Variants in COL4A3 observed in about 807,000 individuals in gnomAD.
COL4A3 encodes the protein collagen alpha-3(IV) chain.
Under a neutral mutation model 217.4 loss-of-function variants are expected in COL4A3, and 135 were observed. The observed-to-expected ratio is 0.62, with a 90% CI of 0.54 to 0.72. COL4A3 has a LOEUF of 0.72. Ranked by LOEUF, COL4A3 falls within the 30% of genes least tolerant of loss-of-function variation. COL4A3 has a pLI of 0.00. For missense variants in COL4A3, 1,868 were observed against 2,119.9 expected (o/e 0.88, Z 2.33); for synonymous variants, 690 against 736.3 (o/e 0.94, Z 1.02).
At chr2:227,269,852 C>A in intron 23 of COL4A3, 58 bp from the exon 24 acceptor site, 1 of 1,385,092 alleles carries the variant, frequency 7.2e-7, no homozygotes. Context: ...TTGTATTACC[C>A]TGTCTACTTA....
intron 8 of COL4A3, 149 bp from the exon 9 acceptor site, chr2:227,248,294 G>T: frequency 1.4e-6 from 1 of 706,478 alleles, no homozygotes; most frequent in East Asian, 2.7e-5. Context: ...TCTTCATAAT[G>T]GAATAATTAC....
At chr2:227,291,241 T>G (rs4673188) in intron 37 of COL4A3, among the ~76,000 whole-genome samples, 122,887 of 152,082 alleles carry the variant, frequency 0.81, 50,841 homozygotes, top group Non-Finnish European at 0.91. Context: ...CTCAGACTTA[T>G]AAAAATAAAT....
intron 19 of COL4A3, 33 bp from the exon 20 acceptor site, chr2:227,261,049 T>G: frequency 6.3e-7 from 1 of 1,585,078 alleles, no homozygotes; most frequent in Non-Finnish European, 8.7e-7. Flanking sequence ...TTTATATCTT[T>G]CTAAGCAATT....
Position 227,191,331 on chromosome 2 carries a change from C to T in COL4A3, c.87+26518C>T, listed in dbSNP as rs1311952012. 6.6e-6 allele frequency among the ~76,000 whole-genome samples: 1 copy of T among 151,768 alleles called. No individual in the cohort carries two copies. The highest frequency in any genetic ancestry group is 1.5e-5 in the Non-Finnish European group (1 of 67,954). ...AAAAGTTTAAGACTGTTGGCATATA[C>T]AAAAGACCTATTTTCTGAATTCAGA... On this transcript the variant is annotated intron_variant, in intron 1 of 51. Coordinates refer to ENST00000396578, the MANE Select transcript of COL4A3 (RefSeq NM_000091.5). The surrounding 1 kb of genome is among the most constrained non-coding windows in gnomAD (Gnocchi z 6.8).
rs567541147 is a variant in COL4A3 at position 227,302,926 on chromosome 2, C to T, written c.3883-112C>T. Reference sequence around the variant, plus strand: ...TAAAAATGATGTCTGCTAACTTCAGCTTATTCTCACCCAACATAATATTAT... The same window carrying T: ...TAAAAATGATGTCTGCTAACTTCAGTTTATTCTCACCCAACATAATATTAT... On this transcript the variant is annotated intron_variant, in intron 43 of 51. Coordinates refer to ENST00000396578, the MANE Select transcript of COL4A3 (RefSeq NM_000091.5). 4 of 723,752 alleles carry T rather than the reference C, an allele frequency of 5.5e-6. No individual in the cohort carries two copies. In the African/African-American group the frequency reaches 7.0e-5, roughly 13 times the overall value. 44.8% of individuals were successfully genotyped at this position (723,752 alleles called of 1,614,324 possible). A position where few individuals can be genotyped will look rare whatever the true frequency, so the allele number is the denominator to read the frequency against.
intron 34 of COL4A3, among the ~76,000 whole-genome samples, chr2:227,286,034 C>A (rs1295505697): frequency 1.3e-5 from 2 of 152,206 alleles, no homozygotes; most frequent in African/African-American, 2.4e-5. Context: ...ATCCTCTCCA[C>A]AAGGAGGCTG....
At chr2:227,214,078 A>T (rs1415741427) in intron 1 of COL4A3, among the ~76,000 whole-genome samples, 1 of 152,132 alleles carries the variant, frequency 6.6e-6, no homozygotes, top group African/African-American at 2.4e-5. Flanking sequence ...AGCTGAAGTA[A>T]ATTGGAGTCC....
chr2:227,309,154 G>C, intron 49 of COL4A3, 50 bp from the exon 50 acceptor site: 1 of 1,606,080 alleles, frequency 6.2e-7, no homozygotes, highest in Non-Finnish European at 8.5e-7. Context: ...GGCAGCACAT[G>C]ACAGTGCAGA....
Position 227,280,484 on chromosome 2 carries a change from T to G in COL4A3, c.2268T>G (p.Gly756=). 6.2e-7 allele frequency: 1 copy of G among 1,613,780 alleles called. No homozygotes were observed. The highest frequency in any genetic ancestry group is 8.5e-7 in the Non-Finnish European group (1 of 1,179,930). The change falls in exon 30 of 52, where the codon GGT becomes GGG. Residue 756 remains glycine, a synonymous_variant. Transcript: ENST00000396578. ...TGCCTGGAGGACCAGGAACACCAGG[T>G]TTTCCAGGAGAAAGAGGCAATTCTG... ...VAMPGGPGTP[G]FPGERGNSGE...
chr2:227,220,034 AT>A (rs1176560942), intron 1 of COL4A3, among the ~76,000 whole-genome samples: 2 of 150,784 alleles, frequency 1.3e-5, no homozygotes, highest in Non-Finnish European at 2.9e-5. Flanking sequence ...TTTCCTTCTG[AT>A]TTTCTGTACT....
chr2:227,234,346 G>A (rs2068573984), intron 1 of COL4A3, among the ~76,000 whole-genome samples: 1 of 152,172 alleles, frequency 6.6e-6, no homozygotes, highest in Admixed American at 6.5e-5. Flanking sequence ...TTTAATCCAA[G>A]CAACTAATAA....
At chr2:227,296,587 C>A in intron 41 of COL4A3, 1 of 715,012 alleles carries the variant, frequency 1.4e-6, no homozygotes, top group Non-Finnish European at 1.7e-6. Context: ...TATTGCAGAG[C>A]ATGTAATCAT....
chr2:227,178,717 T>G (rs909711260), intron 1 of COL4A3, among the ~76,000 whole-genome samples: 27 of 151,960 alleles, frequency 1.8e-4, no homozygotes, highest in Non-Finnish European at 2.8e-4. Flanking sequence ...TTTTGTTTTT[T>G]TTTTGTATTT....
At position 227,272,152 on chromosome 2, in the gene COL4A3, T is replaced by C. The variant is rs540566342; in HGVS notation, c.1759-797T>C. ...CAGGTTGTTCACTTTGTGGTAGTTA[T>C]GCTTATAAAGTGACAGTGCCAGAAT... On this transcript the variant is annotated intron_variant, in intron 25 of 51. Transcript: ENST00000396578. Among the ~76,000 whole-genome samples, 17 of 152,364 alleles carry C rather than the reference T, an allele frequency of 1.1e-4. No individual in the cohort carries two copies. In the East Asian group the frequency reaches 2.7e-3, roughly 24 times the overall value.
At chr2:227,200,362 C>T (rs191862864) in intron 1 of COL4A3, among the ~76,000 whole-genome samples, 8 of 152,306 alleles carry the variant, frequency 5.3e-5, no homozygotes, top group Admixed American at 4.6e-4. Flanking sequence ...CATCATCCCA[C>T]GTCATGCTGG....
At chr2:227,171,703 C>T (rs556460553) in intron 1 of COL4A3, among the ~76,000 whole-genome samples, 2 of 152,240 alleles carry the variant, frequency 1.3e-5, no homozygotes, top group African/African-American at 4.8e-5. Flanking sequence ...AACCTCAGTT[C>T]TTGCCTCCTC....
chr2:227,174,313 A>G (rs1318715351), intron 1 of COL4A3, among the ~76,000 whole-genome samples: 2 of 152,198 alleles, frequency 1.3e-5, no homozygotes, highest in Non-Finnish European at 2.9e-5. Flanking sequence ...CTTTCATTTT[A>G]AACTAGAAAT....
chr2:227,207,411 T>C (rs1211590548), intron 1 of COL4A3, among the ~76,000 whole-genome samples: 2 of 152,194 alleles, frequency 1.3e-5, no homozygotes, highest in East Asian at 3.8e-4. Flanking sequence ...CCCTCCTCTC[T>C]CTCGTAGCCG....
Position 227,256,049 on chromosome 2 carries a change from T to C in COL4A3, c.912T>C (p.Val304=), listed in dbSNP as rs753645678. 6.2e-7 allele frequency: 1 copy of C among 1,613,866 alleles called. No homozygotes were observed. The highest frequency in any genetic ancestry group is 1.3e-5 in the African/African-American group (1 of 74,924). ...GLQGKPGKDG[V]PGFPGSEGVK... ...AGGGAAAACCCGGAAAAGATGGTGT[T>C]CCTGGCTTCCCTGGAAGTGAGGTAT... The change falls in exon 16 of 52, where the codon GTT becomes GTC. Residue 304 remains valine (V), a synonymous_variant. Coordinates refer to ENST00000396578, the MANE Select transcript of COL4A3 (RefSeq NM_000091.5).
Sources: gnomAD v4.1 joint callset for allele counts (sites outside exome capture counted in the v4.1 genomes callset) on GRCh38, gnomAD v4.1.1 for gene constraint, Gnocchi (gnomAD v3.1) non-coding constraint, MANE v1.5 for transcripts, NCBI Gene and HGNC (gene_info 2026-07-23, HGNC 2026-07-21) for gene names.